CHST6: variants seen among roughly 807,000 people sequenced by gnomAD.
CHST6 encodes the protein carbohydrate sulfotransferase 6.
For missense variants in CHST6, 698 were observed against 586.2 expected, an observed-to-expected ratio of 1.19 and a Z score of -1.97; for synonymous variants, 309 against 276.4, an observed-to-expected ratio of 1.12 and a Z score of -1.17.
chr16:75,482,011 T>C, intron 1 of CHST6, 120 bp from the exon 2 acceptor site: 1 of 321,704 alleles, frequency 3.1e-6, no homozygotes, highest in Non-Finnish European at 6.2e-6. Context: ...ACATTTAACC[T>C]CTTAGGGCTG....
chr16:75,479,101 C>T lies in CHST6; in HGVS notation c.728G>A (p.Arg243His), dbSNP rs562537336. The T allele has an allele frequency of 4.4e-6, 7 of 1,604,720 alleles. No individual in the cohort carries two copies. The highest frequency in any genetic ancestry group is 2.7e-5 in the African/African-American group (2 of 74,974). ...VEADPGLRVV[R>H]EVCRSHVRIA... ...GCGTACGTGGCTACGGCACACCTCG[C>T]GCACCACGCGCAGGCCGGGGTCGGC... Residue 243 changes from arginine to histidine, a missense_variant, in exon 3 of 3, where the codon CGC becomes CAC. Arg to His is a conservative substitution (Grantham distance 29). Transcript: ENST00000332272.
chr16:75,480,290 G>A (rs2080125711), intron 2 of CHST6, among the ~76,000 whole-genome samples: 1 of 152,174 alleles, frequency 6.6e-6, no homozygotes, highest in Non-Finnish European at 1.5e-5. Context: ...CAGGCTCCCT[G>A]AGGCTCTTCC....
At chr16:75,481,436 A>C (rs1407513135) in intron 2 of CHST6, among the ~76,000 whole-genome samples, 1 of 152,078 alleles carries the variant, frequency 6.6e-6, no homozygotes, top group Non-Finnish European at 1.5e-5. Context: ...CTACCAAAAA[A>C]AATACAAAAA....
chr16:75,489,838 G>A (rs2080237458), intron 1 of CHST6, among the ~76,000 whole-genome samples: 1 of 152,186 alleles, frequency 6.6e-6, no homozygotes, highest in East Asian at 1.9e-4. Flanking sequence ...AAATTAAAAT[G>A]AGTAAAGGAT....
At chr16:75,488,244 A>G (rs1238195713) in intron 1 of CHST6, among the ~76,000 whole-genome samples, 1 of 152,048 alleles carries the variant, frequency 6.6e-6, no homozygotes, top group Non-Finnish European at 1.5e-5. Flanking sequence ...CAGGTGGATC[A>G]CCTGAGGTCA....
Position 75,477,709 on chromosome 16 carries a change from T to C in CHST6, c.*932A>G, listed in dbSNP as rs2080081261. 1 of 152,452 alleles carries C rather than the reference T, an allele frequency of 6.6e-6. No individual in the cohort carries two copies. The highest frequency in any genetic ancestry group is 2.1e-4 in the South Asian group (1 of 4,840). The allele number at this position is 152,452 out of a possible 1,614,324, so 9.4% of individuals were successfully genotyped here. A position where few individuals can be genotyped will look rare whatever the true frequency, so the allele number is the denominator to read the frequency against. The stretch of plus-strand genomic sequence containing the variant: ...AGGTGTGGCTCACAGGCAGGGATCA[T>C]CCTCTGCTTTCCTCCAAGGCCTGGA... On this transcript the variant is annotated 3_prime_UTR_variant, in exon 3 of 3. Coordinates refer to ENST00000332272, the MANE Select transcript of CHST6 (RefSeq NM_021615.5).
Position 75,478,464 on chromosome 16 carries a change from G to T in CHST6, c.*177C>A. On this transcript the variant is annotated 3_prime_UTR_variant, in exon 3 of 3. Transcript: ENST00000332272. ...GAAGGCAGCTCCAGAGGACTCAAAG[G>T]AAAACCAAGAATCAAGAGAGAAAGA... is the stretch of plus-strand genomic sequence containing the variant. 4 of 670,874 alleles carry T rather than the reference G, an allele frequency of 6.0e-6. No individual in the cohort carries two copies. The South Asian group carries it at 7.3e-5, about 12-fold the overall frequency. 41.6% of individuals were successfully genotyped at this position (670,874 alleles called of 1,614,324 possible).
At chr16:75,483,372 G>A (rs1210056777) in intron 1 of CHST6, among the ~76,000 whole-genome samples, 1 of 152,158 alleles carries the variant, frequency 6.6e-6, no homozygotes, top group Non-Finnish European at 1.5e-5. Flanking sequence ...GGAAGCCAGA[G>A]GTCTTCTTAA....
At chr16:75,484,166 C>T (rs895533742) in intron 1 of CHST6, among the ~76,000 whole-genome samples, 1 of 150,706 alleles carries the variant, frequency 6.6e-6, no homozygotes, top group Non-Finnish European at 1.5e-5. Context: ...GGTGAAACCC[C>T]GTCTCTACTA....
rs2151663421 is a variant in CHST6, at chr16:75,475,720, C to T, written c.*2921G>A. ...AAATTCAGGAGCCAGTCAAGCATGT[C>T]CTGACACCTTGGGAGTCAGGGGAGA... On this transcript the variant is annotated 3_prime_UTR_variant, in exon 3 of 3. Transcript: ENST00000332272. 6.6e-6 allele frequency: 1 copy of T among 152,336 alleles called. No homozygotes were observed. The highest frequency in any genetic ancestry group is 2.4e-5 in the African/African-American group (1 of 41,582). 9.4% of individuals were successfully genotyped at this position (152,336 alleles called of 1,614,324 possible).
Position 75,478,221 on chromosome 16 carries a change from TATGTG to T in CHST6, c.*415_*419del, listed in dbSNP as rs1451708464. On this transcript the variant is annotated 3_prime_UTR_variant, in exon 3 of 3. Transcript: ENST00000332272. ...TGCCATGTGTGCCTGTGTGCATATG[TATGTG>T]ATGTACAGACCTCTGGAGCCATTTC... 3.5e-6 allele frequency: 1 copy of T among 287,438 alleles called. No homozygotes were observed. The highest frequency in any genetic ancestry group is 8.9e-5 in the East Asian group (1 of 11,262). The allele number at this position is 287,438 out of a possible 1,614,324, so 17.8% of individuals were successfully genotyped here.
intron 1 of CHST6, among the ~76,000 whole-genome samples, chr16:75,482,548 A>G (rs1448457492): frequency 2.6e-5 from 4 of 152,286 alleles, no homozygotes; most frequent in Non-Finnish European, 5.9e-5. Context: ...CAAAACAGCA[A>G]CAACAACAAA....
Position 75,478,945 on chromosome 16 carries a change from A to G in CHST6, c.884T>C (p.Leu295Pro), listed in dbSNP as rs768266911. The G allele has an allele frequency of 3.1e-6, 5 of 1,613,060 alleles. No individual in the cohort carries two copies. The Admixed American group carries it at 8.3e-5, about 27-fold the overall frequency. The change falls in exon 3 of 3, where the codon CTC becomes CCC. Residue 295 changes from leucine (L) to proline (P), a missense_variant. Transcript: ENST00000332272. ...RALYAFTGLS[L>P]TPQLEAWIHN... is the part of the protein sequence containing the mutation. ...GATCCAGGCCTCGAGCTGTGGCGTG[A>G]GACTGAGCCCAGTGAAGGCGTAGAG...
chr16:75,487,099 C>G (rs1567413785), intron 1 of CHST6, among the ~76,000 whole-genome samples: 1 of 152,232 alleles, frequency 6.6e-6, no homozygotes, highest in Non-Finnish European at 1.5e-5. Flanking sequence ...CTCAGATACT[C>G]TGTGGTCCAC....
chr16:75,495,232 G>A lies in CHST6; in HGVS notation c.-384C>T, dbSNP rs1464179955. On this transcript the variant is annotated 5_prime_UTR_variant, in exon 1 of 3. Transcript: ENST00000332272. ...CGAGGTAGAACGAATGTGGGAACAG[G>A]GCAGGAGTCCCAGAATGGGATGTTG... 1 of 152,532 alleles carries A rather than the reference G, an allele frequency of 6.6e-6. No homozygotes were observed. Among genetic ancestry groups the A allele is most frequent in the East Asian group, 1.9e-4 (1 of 5,196 alleles). The allele number at this position is 152,532 out of a possible 1,614,324, so 9.4% of individuals were successfully genotyped here.
In CHST6 at chr16:75,479,316, C is replaced by T; in HGVS notation, c.513G>A (p.Val171=). The change falls in exon 3 of 3, where the codon GTG becomes GTA. Residue 171 remains valine, a synonymous_variant. Transcript: ENST00000332272. ...AREACRSYSH[V]VLKEVRFFNL... is the part of the protein sequence containing the mutation. The stretch of plus-strand genomic sequence containing the variant: ...TGAAGAAGCGCACCTCCTTGAGCAC[C>T]ACGTGGCTGTAGGAGCGGCAGGCCT... The T allele has an allele frequency of 3.1e-6, 5 of 1,613,246 alleles. No individual in the cohort carries two copies. The highest frequency in any genetic ancestry group is 4.2e-6 in the Non-Finnish European group (5 of 1,179,790).
Position 75,479,377 on chromosome 16 carries a change from G to T in CHST6, c.452C>A (p.Pro151Gln). 6.2e-7 allele frequency: 1 copy of T among 1,612,736 alleles called. No homozygotes were observed. The highest frequency in any genetic ancestry group is 8.5e-7 in the Non-Finnish European group (1 of 1,179,792). The change falls in exon 3 of 3, where the codon CCA becomes CAA. Residue 151 changes from proline to glutamine, a missense_variant. Pro to Gln is a moderately conservative substitution (Grantham distance 76). Transcript: ENST00000332272. ...GAISSEAVCK[P>Q]LCARQSFTLA... ...GGTGAAGGACTGCCGCGCGCACAGT[G>T]GCTTGCACACGGCCTCGCTGCTGAT...
chr16:75,474,751 T>C lies in CHST6; in HGVS notation c.*3890A>G. 1 of 398,422 alleles carries C rather than the reference T, an allele frequency of 2.5e-6. No homozygotes were observed. Among genetic ancestry groups the C allele is most frequent in the Non-Finnish European group, 4.4e-6 (1 of 225,970 alleles). The allele number at this position is 398,422 out of a possible 1,614,324, so 24.7% of individuals were successfully genotyped here. A position where few individuals can be genotyped will look rare whatever the true frequency, so the allele number is the denominator to read the frequency against. On this transcript the variant is annotated 3_prime_UTR_variant, in exon 3 of 3. Coordinates refer to ENST00000332272, the MANE Select transcript of CHST6 (RefSeq NM_021615.5). ...AGAGAAAGACAAAGAATGAACTCCT[T>C]CATTTAAAAGGCACCACTCTCAGGA...
intron 1 of CHST6, among the ~76,000 whole-genome samples, chr16:75,483,072 C>A (rs528628819): frequency 6.6e-6 from 1 of 152,344 alleles, no homozygotes; most frequent in East Asian, 1.9e-4. Flanking sequence ...CAAGTCCACG[C>A]GATGACTTAA....
Sources: gnomAD v4.1 joint callset for allele counts (sites outside exome capture counted in the v4.1 genomes callset) on GRCh38, gnomAD v4.1.1 for gene constraint, MANE v1.5 for transcripts, NCBI Gene and HGNC (gene_info 2026-07-23, HGNC 2026-07-21) for gene names.